CEP85L: variants seen among roughly 807,000 people sequenced by gnomAD.
CEP85L encodes the protein centrosomal protein of 85 kDa-like.
In CEP85L, 60 loss-of-function variants were observed where a neutral mutation model predicts 100.3. That is an observed-to-expected ratio of 0.60 (90% CI 0.49 to 0.74). The LOEUF (loss-of-function observed/expected upper bound fraction) is 0.74, where lower values mean the gene tolerates loss of function less well. Among genes scored for constraint, CEP85L ranks in the 30% least tolerant of loss-of-function variants. CEP85L has a pLI of 0.00. For synonymous variants in CEP85L, 319 were observed against 322.7 expected, an observed-to-expected ratio of 0.99 and a Z score of 0.12; for missense variants, 973 against 936.2, an observed-to-expected ratio of 1.04 and a Z score of -0.51.
intron 6 of CEP85L, among the ~76,000 whole-genome samples, chr6:118,485,269 C>T (rs980333906): frequency 6.6e-6 from 1 of 152,166 alleles, no homozygotes; most frequent in Non-Finnish European, 1.5e-5. Context: ...TTCCCATATT[C>T]ACTGGGAAAA....
At chr6:118,518,379 G>T (rs1303723722) in intron 4 of CEP85L, among the ~76,000 whole-genome samples, 1 of 151,988 alleles carries the variant, frequency 6.6e-6, no homozygotes, top group African/African-American at 2.4e-5. Flanking sequence ...TTTGGCTGGT[G>T]GGCTATTAAT....
chr6:118,480,897 T>C (rs2114523195), intron 8 of CEP85L, among the ~76,000 whole-genome samples: 1 of 152,262 alleles, frequency 6.6e-6, no homozygotes, highest in Middle Eastern at 3.4e-3. Context: ...AACCTAAGAA[T>C]ATGGATCCAC....
chr6:118,605,206 T>A (rs1033570732), intron 2 of CEP85L, among the ~76,000 whole-genome samples: 1 of 152,074 alleles, frequency 6.6e-6, no homozygotes, highest in Non-Finnish European at 1.5e-5. Flanking sequence ...GGTTCCTGGA[T>A]CCCCAAAAGG....
rs1491182916 is a variant in CEP85L at position 118,592,328 on chromosome 6, T to TG, written c.233-26013_233-26012insC. 8.8e-3 allele frequency among the ~76,000 whole-genome samples: 1,219 copies of TG among 137,806 alleles called. 26 individuals are homozygous for TG. The highest frequency in any genetic ancestry group is 0.031 in the African/African-American group (1,142 of 36,488). 90.4% of individuals were successfully genotyped at this position (137,806 alleles called of 152,430 possible). ...CCTGAATACATTAACATCCTCTAGG[T>TG]CTTTTTTTTTTTTTTTTTTTGATCA... On this transcript the variant is annotated intron_variant, in intron 2 of 12. Coordinates refer to ENST00000368491, the MANE Select transcript of CEP85L (RefSeq NM_001042475.3).
intron 2 of CEP85L, among the ~76,000 whole-genome samples, chr6:118,591,515 A>T (rs186965630): frequency 6.6e-6 from 1 of 152,280 alleles, no homozygotes; most frequent in Admixed American, 6.5e-5. Flanking sequence ...AGACGTCTGC[A>T]TAGGGTGTAA....
chr6:118,527,846 T>C (rs757749991), intron 3 of CEP85L, among the ~76,000 whole-genome samples: 15 of 152,198 alleles, frequency 9.9e-5, no homozygotes, highest in Non-Finnish European at 1.6e-4. Context: ...ATTTAAATCC[T>C]AATAACAGTT....
chr6:118,605,768 T>C (rs141291228), intron 2 of CEP85L, among the ~76,000 whole-genome samples: 4,436 of 152,204 alleles, frequency 0.029, 192 homozygotes, highest in African/African-American at 0.091. Context: ...ATCCCAGCAC[T>C]TTGAGAGGCC....
intron 2 of CEP85L, among the ~76,000 whole-genome samples, chr6:118,569,911 TTCTC>T (rs1346425784): frequency 1.3e-5 from 2 of 152,140 alleles, no homozygotes; most frequent in African/African-American, 4.8e-5. Flanking sequence ...TAAAGATACA[TTCTC>T]TATCATATTC....
chr6:118,519,664 C>T (rs962835504), intron 4 of CEP85L, among the ~76,000 whole-genome samples: 2 of 150,180 alleles, frequency 1.3e-5, no homozygotes, highest in Admixed American at 6.7e-5. Context: ...AATAAATAGC[C>T]CTATGTATAT....
chr6:118,479,828 T>A (rs2114515077), intron 10 of CEP85L, 43 bp downstream of exon 10: 2 of 1,018,062 alleles, frequency 2.0e-6, no homozygotes, highest in African/African-American at 1.7e-5. Flanking sequence ...TAAGAGTATA[T>A]CAGAATATAG....
chr6:118,540,714 G>A (rs191532657), intron 3 of CEP85L, among the ~76,000 whole-genome samples: 3 of 151,812 alleles, frequency 2.0e-5, no homozygotes, highest in East Asian at 1.9e-4. Flanking sequence ...CCAAGATCAC[G>A]CCACTGCACT....
intron 5 of CEP85L, among the ~76,000 whole-genome samples, chr6:118,496,446 C>T (rs552889835): frequency 1.5e-4 from 22 of 150,772 alleles, no homozygotes; most frequent in African/African-American, 2.9e-4. Flanking sequence ...CCTCCACCCC[C>T]GGGGTTCAAG....
chr6:118,689,299 T>C (rs1776951163), intron 1 of CEP85L, among the ~76,000 whole-genome samples: 2 of 152,060 alleles, frequency 1.3e-5, no homozygotes, highest in Admixed American at 6.6e-5. Context: ...CTTCCTACTT[T>C]AAGGTGCTGC....
At chr6:118,547,067 A>G (rs1400423024) in intron 3 of CEP85L, among the ~76,000 whole-genome samples, 2 of 152,266 alleles carry the variant, frequency 1.3e-5, no homozygotes, top group East Asian at 3.9e-4. Flanking sequence ...TTAGTTACCC[A>G]TAAGAAAGTG....
At chr6:118,697,349 C>A (rs1777248224) in intron 1 of CEP85L, among the ~76,000 whole-genome samples, 3 of 152,212 alleles carry the variant, frequency 2.0e-5, no homozygotes, top group African/African-American at 7.2e-5. Flanking sequence ...CACTTGTCAC[C>A]AGTCCTCTGG....
chr6:118,479,292 T>A (rs1342704859), intron 10 of CEP85L, among the ~76,000 whole-genome samples: 2 of 151,890 alleles, frequency 1.3e-5, no homozygotes, highest in Admixed American at 6.6e-5. Context: ...AAATTAGGGG[T>A]ATAAAGCTAA....
intron 1 of CEP85L, among the ~76,000 whole-genome samples, chr6:118,709,556 T>TGTGTGTGTGTGTGTGTGTGTGAGAGA (rs751698371): frequency 1.4e-5 from 2 of 142,224 alleles, no homozygotes; most frequent in African/African-American, 2.8e-5. Flanking sequence ...TGTGTGTGTG[T>TGTGTGTGTGTGTGTGTGTGTGAGAGA]GAGAGAGAGA....
chr6:118,634,356 A>C (rs902158368), intron 1 of CEP85L, among the ~76,000 whole-genome samples: 7 of 152,330 alleles, frequency 4.6e-5, no homozygotes, highest in African/African-American at 1.7e-4. Context: ...CCTCTATCAT[A>C]CTAAGCTCAA....
chr6:118,628,451 G>T (rs1207203319), intron 2 of CEP85L, among the ~76,000 whole-genome samples: 1 of 151,842 alleles, frequency 6.6e-6, no homozygotes, highest in Non-Finnish European at 1.5e-5. Context: ...ACTTGGCACA[G>T]AAATCTCTGA....
Sources: allele counts gnomAD v4.1 joint callset (sites outside exome capture counted in the v4.1 genomes callset), GRCh38; gene constraint gnomAD v4.1.1; transcripts MANE v1.5; gene names NCBI Gene and HGNC (gene_info 2026-07-23, HGNC 2026-07-21).